SH3BP1: variants seen among roughly 807,000 people sequenced by gnomAD.
SH3BP1 encodes SH3 domain binding protein 1, also known as SH3 domain-binding protein 1.
Under a neutral mutation model 69.8 loss-of-function variants are expected in SH3BP1, and 46 were observed. That is an observed-to-expected ratio of 0.66 (90% CI 0.52 to 0.84). The LOEUF (loss-of-function observed/expected upper bound fraction) is 0.84. SH3BP1 is among the 40% of genes least tolerant of loss of function. SH3BP1 has a pLI of 0.00. For synonymous variants in SH3BP1, 403 were observed against 378.0 expected, an observed-to-expected ratio of 1.07 and a Z score of -0.77; for missense variants, 868 against 930.9, an observed-to-expected ratio of 0.93 and a Z score of 0.88.
chr22:37,639,741 G>A lies in SH3BP1; in HGVS notation c.-47G>A. 7.8e-7 allele frequency: 1 copy of A among 1,286,432 alleles called. No homozygotes were observed. Among genetic ancestry groups the A allele is most frequent in the Non-Finnish European group, 1.1e-6 (1 of 951,828 alleles). 79.7% of individuals were successfully genotyped at this position (1,286,432 alleles called of 1,614,324 possible). ...GCAGGCTGGACCGGGGGCTCCCCGG[G>A]CCCGCGACCCCCGCCGTGACCCCGC... On this transcript the variant is annotated 5_prime_UTR_variant, in exon 1 of 18. Coordinates refer to ENST00000649765, the MANE Select transcript of SH3BP1 (RefSeq NM_018957.6).
At chr22:37,646,194 C>T (rs138540668) in intron 10 of SH3BP1, among the ~76,000 whole-genome samples, 216 of 151,478 alleles carry the variant, frequency 1.4e-3, no homozygotes, top group African/African-American at 4.8e-3. Flanking sequence ...AACTCCTAAC[C>T]TCAGGTGATC....
In SH3BP1 at chr22:37,646,870, C is replaced by G. The variant is rs371430108; in HGVS notation, c.977C>G (p.Thr326Arg). ...GASVLKRLKQ[T>R]MASDPHSLEE... is the part of the protein sequence containing the mutation. ...TCGGTGCTGAAGCGTCTCAAGCAGACAATGGCCTCGGACCCCCACAGCCTG... is the reference window on the plus strand; with the variant it reads ...TCGGTGCTGAAGCGTCTCAAGCAGAGAATGGCCTCGGACCCCCACAGCCTG... The change falls in exon 11 of 18, where the codon ACA becomes AGA. Residue 326 changes from threonine (T) to arginine (R), a missense_variant. By Grantham distance (71) the Thr-to-Arg change is moderately conservative. Around this residue, in one of 3 missense-constraint regions of SH3BP1, gnomAD observed 387 missense variants for 447.9 expected, o/e 0.86. Coordinates refer to ENST00000649765, the MANE Select transcript of SH3BP1 (RefSeq NM_018957.6). The G allele has an allele frequency of 5.7e-6, 9 of 1,566,526 alleles. No individual in the cohort carries two copies. In the African/African-American group the frequency reaches 1.2e-4, roughly 21 times the overall value.
intron 16 of SH3BP1, 137 bp from the exon 17 acceptor site, chr22:37,653,642 C>T (rs1185251366): frequency 8.5e-6 from 6 of 708,472 alleles, no homozygotes; most frequent in East Asian, 2.7e-5. Flanking sequence ...GGGAGGGGTG[C>T]GTGGCATGGG....
chr22:37,644,609 C>T (rs1284511791), intron 7 of SH3BP1, 28 bp from the exon 8 acceptor site: 15 of 1,611,882 alleles, frequency 9.3e-6, no homozygotes, highest in Non-Finnish European at 1.3e-5. Context: ...CCTCACCCAA[C>T]GTAAGCTCTC....
At chr22:37,642,444 G>A in intron 3 of SH3BP1, 95 bp from the exon 4 acceptor site, 2 of 1,258,276 alleles carry the variant, frequency 1.6e-6, no homozygotes, top group South Asian at 2.5e-5. Flanking sequence ...GGCCCTCCTG[G>A]GTTCCCTCCT....
intron 16 of SH3BP1, among the ~76,000 whole-genome samples, chr22:37,652,842 A>G (rs1413541975): frequency 7.6e-6 from 1 of 132,018 alleles, no homozygotes; most frequent in South Asian, 2.4e-4. Flanking sequence ...AAAAAAAAAA[A>G]GAAAAAGAAA....
At chr22:37,645,943 C>CTCCTT (rs1360334129) in intron 10 of SH3BP1, among the ~76,000 whole-genome samples, 1 of 151,542 alleles carries the variant, frequency 6.6e-6, no homozygotes, top group Non-Finnish European at 1.5e-5. Flanking sequence ...GTGCTGGGGC[C>CTCCTT]TCCTTTCTCC....
At position 37,655,264 on chromosome 22, in the gene SH3BP1, C is replaced by T. The variant is rs1217273793; in HGVS notation, c.1694-8C>T. The T allele has an allele frequency of 6.3e-7, 1 of 1,583,014 alleles. No homozygotes were observed. Among genetic ancestry groups the T allele is most frequent in the Non-Finnish European group, 8.6e-7 (1 of 1,167,548 alleles). On this transcript the variant is annotated splice_region_variant and splice_polypyrimidine_tract_variant and intron_variant, in intron 17 of 17. Transcript: ENST00000649765. ...CTCAGCCTCCCTCACCCTTTCCTTCCTCAACAGCCAAGCGCCCGGCGCCAG... is the reference window on the plus strand; with the variant it reads ...CTCAGCCTCCCTCACCCTTTCCTTCTTCAACAGCCAAGCGCCCGGCGCCAG...
chr22:37,645,294 A>T, intron 9 of SH3BP1, 71 bp from the exon 10 acceptor site: 2 of 1,538,722 alleles, frequency 1.3e-6, no homozygotes, highest in Non-Finnish European at 1.8e-6. Context: ...GAGGACATGA[A>T]GGGGGGGTGC....
intron 17 of SH3BP1, 23 bp downstream of exon 17, chr22:37,653,896 GGAGGGGACAGAGGGTGGGCGGGGA>G (rs1305295779): frequency 6.7e-6 from 10 of 1,495,748 alleles, no homozygotes; most frequent in African/African-American, 4.1e-5. Flanking sequence ...TGGGAGGGGA[GGAGGGGACAGAGGGTGGGCGGGGA>G]GAGGGGACAG....
At chr22:37,653,606 C>G (rs1209343925) in intron 16 of SH3BP1, among the ~76,000 whole-genome samples, 173 bp from the exon 17 acceptor site, 1 of 151,922 alleles carries the variant, frequency 6.6e-6, no homozygotes, top group Non-Finnish European at 1.5e-5. Flanking sequence ...GGATGCAGAC[C>G]CCAACCAATG....
rs1336193181 is a variant in SH3BP1, at chr22:37,655,269, C to T, written c.1694-3C>T. 1 of 1,584,474 alleles carries T rather than the reference C, an allele frequency of 6.3e-7. No individual in the cohort carries two copies. Among genetic ancestry groups the T allele is most frequent in the Non-Finnish European group, 8.6e-7 (1 of 1,168,466 alleles). ...CCTCCCTCACCCTTTCCTTCCTCAA[C>T]AGCCAAGCGCCCGGCGCCAGCCCGG... On this transcript the variant is annotated splice_region_variant and splice_polypyrimidine_tract_variant and intron_variant, in intron 17 of 17. Coordinates refer to ENST00000649765, the MANE Select transcript of SH3BP1 (RefSeq NM_018957.6).
intron 2 of SH3BP1, 64 bp downstream of exon 2, chr22:37,641,232 C>T (rs189598785): frequency 3.5e-5 from 53 of 1,531,430 alleles, no homozygotes; most frequent in African/African-American, 3.4e-4. Context: ...AGCAGAGGGC[C>T]GGGGCGGGGA....
Position 37,642,332 on chromosome 22 carries a change from G to A in SH3BP1, c.208-207G>A, listed in dbSNP as rs927054447. Reference sequence around the variant, plus strand: ...CCCAGTCAAGTGGCTTCTGGGAAGAGGAAAGGGCACGCCAGATGGAGAGGG... The same window carrying A: ...CCCAGTCAAGTGGCTTCTGGGAAGAAGAAAGGGCACGCCAGATGGAGAGGG... On this transcript the variant is annotated intron_variant, in intron 3 of 17. Coordinates refer to ENST00000649765, the MANE Select transcript of SH3BP1 (RefSeq NM_018957.6). The A allele has an allele frequency of 1.0e-5, 6 of 572,884 alleles. No homozygotes were observed. The Admixed American group carries it at 1.5e-4, about 14-fold the overall frequency. The allele number at this position is 572,884 out of a possible 1,614,324, so 35.5% of individuals were successfully genotyped here.
rs777076912 is a variant in SH3BP1, at chr22:37,650,678, A to G, written c.1551A>G (p.Pro517=). Residue 517 remains proline (P), a synonymous_variant, in exon 16 of 18, where the codon CCA becomes CCG. Coordinates refer to ENST00000649765, the MANE Select transcript of SH3BP1 (RefSeq NM_018957.6). ...PATTPAPAPA[P]APAPAPALAS... ...CCACCCCGGCTCCGGCTCCGGCTCC[A>G]GCTCCAGCTCCGGCCCCAGCCTTGG... The G allele has an allele frequency of 8.7e-6, 14 of 1,613,316 alleles. No individual in the cohort carries two copies. The highest frequency in any genetic ancestry group is 3.3e-5 in the Admixed American group (2 of 59,962).
chr22:37,654,862 C>T (rs1932972917), intron 17 of SH3BP1, among the ~76,000 whole-genome samples: 1 of 152,114 alleles, frequency 6.6e-6, no homozygotes. Context: ...GTCATCCCAG[C>T]ACTTTGAGAG....
At position 37,650,257 on chromosome 22, in the gene SH3BP1, T is replaced by G. The variant is rs549142188; in HGVS notation, c.1414+8T>G. On this transcript the variant is annotated splice_region_variant and intron_variant, in intron 15 of 17. Transcript: ENST00000649765. ...ACACCCTCTTCCCTGGAGGTGAAGCTCCTGCCTGCATGGACGCCCTGCTGG... is the reference window on the plus strand; with the variant it reads ...ACACCCTCTTCCCTGGAGGTGAAGCGCCTGCCTGCATGGACGCCCTGCTGG... The G allele has an allele frequency of 6.3e-7, 1 of 1,598,990 alleles. No homozygotes were observed. Among genetic ancestry groups the G allele is most frequent in the Non-Finnish European group, 8.5e-7 (1 of 1,172,304 alleles).
chr22:37,648,583 G>A (rs1932823370), intron 14 of SH3BP1, 148 bp downstream of exon 14: 2 of 651,632 alleles, frequency 3.1e-6, no homozygotes, highest in South Asian at 3.5e-5. Context: ...TGAGGAACAG[G>A]CCAAAGGGGC....
At chr22:37,649,219 G>C (rs1310881959) in intron 14 of SH3BP1, among the ~76,000 whole-genome samples, 2 of 152,200 alleles carry the variant, frequency 1.3e-5, no homozygotes, top group Admixed American at 6.5e-5. Flanking sequence ...GCCAGGTCCA[G>C]TGTCATGCCT....
Sources: allele counts gnomAD v4.1 joint callset (sites outside exome capture counted in the v4.1 genomes callset), GRCh38; gene constraint gnomAD v4.1.1; regional missense constraint gnomAD v4.1.1; transcripts MANE v1.5; gene names NCBI Gene and HGNC (gene_info 2026-07-23, HGNC 2026-07-21).